The following ANXA6 variants were observed in gnomAD, a reference collection of about 807,000 sequenced individuals.
The protein encoded by ANXA6 is annexin A6, also known as 67 kDa calelectrin.
A neutral mutation model predicts 95.4 loss-of-function variants in ANXA6; 71 were observed. That is an observed-to-expected ratio of 0.74 (90% CI 0.61 to 0.91). ANXA6 has a LOEUF of 0.91. ANXA6 is among the 40% of genes least tolerant of loss of function. The pLI, the probability that ANXA6 is intolerant of heterozygous loss-of-function variation, is 0.00. For synonymous variants in ANXA6, 289 were observed against 315.9 expected (o/e 0.91, Z 0.90); for missense variants, 830 against 876.4 (o/e 0.95, Z 0.67).
chr5:151,143,581 A>G (rs1488985377), intron 2 of ANXA6, among the ~76,000 whole-genome samples: 1 of 152,112 alleles, frequency 6.6e-6, no homozygotes, highest in African/African-American at 2.4e-5. Flanking sequence ...AGAACTCAGA[A>G]TCTGGTAGAG....
At position 151,103,145 on chromosome 5, in the gene ANXA6, A is replaced by G. The variant is rs183498180; in HGVS notation, c.1962+425T>C. Among the ~76,000 whole-genome samples the G allele has an allele frequency of 4.8e-3, 733 of 152,076 alleles. 3 individuals are homozygous for G. The highest frequency in any genetic ancestry group is 7.7e-3 in the Non-Finnish European group (524 of 67,984). On this transcript the variant is annotated intron_variant, in intron 25 of 25. Coordinates refer to ENST00000354546, the MANE Select transcript of ANXA6 (RefSeq NM_001155.5). ...CTGAGTAGCTGGGATTACAGGCATG[A>G]GCCAACACACCCAGCTAATTTTTGT... is the stretch of plus-strand genomic sequence containing the variant.
At chr5:151,141,483 G>C (rs1033931849) in intron 2 of ANXA6, 4 of 983,114 alleles carry the variant, frequency 4.1e-6, no homozygotes, top group African/African-American at 3.5e-5. Flanking sequence ...CGGGAAATCA[G>C]GAAAGAATCC....
intron 24 of ANXA6, among the ~76,000 whole-genome samples, chr5:151,103,980 G>C (rs1196997299): frequency 6.6e-6 from 1 of 152,238 alleles, no homozygotes; most frequent in Admixed American, 6.5e-5. Flanking sequence ...CATGTAATTA[G>C]TTAAGATGAA....
At chr5:151,143,597 T>C (rs1015591394) in intron 2 of ANXA6, among the ~76,000 whole-genome samples, 3 of 151,990 alleles carry the variant, frequency 2.0e-5, no homozygotes, top group Non-Finnish European at 2.9e-5. Context: ...TAGAGATACA[T>C]GACAGCTTCA....
intron 24 of ANXA6, 40 bp downstream of exon 24, chr5:151,105,205 C>A: frequency 6.3e-7 from 1 of 1,579,956 alleles, no homozygotes; most frequent in South Asian, 1.1e-5. Context: ...GTATGTAAGT[C>A]AGTGCTTGAA....
Position 151,150,141 on chromosome 5 carries a change from T to C in ANXA6, c.-25-2215A>G, listed in dbSNP as rs1469882330. Among the ~76,000 whole-genome samples, 3 of 148,322 alleles carry C rather than the reference T, an allele frequency of 2.0e-5. No individual in the cohort carries two copies. In the South Asian group the frequency reaches 6.4e-4, roughly 32 times the overall value. On this transcript the variant is annotated intron_variant, in intron 1 of 25. Transcript: ENST00000354546. ...TCAAAAAAAAAAAAAAAAGTAAACATAACAAAGTCAATCAGATTTACCCAG... is the reference window on the plus strand; with the variant it reads ...TCAAAAAAAAAAAAAAAAGTAAACACAACAAAGTCAATCAGATTTACCCAG...
At chr5:151,149,312 A>G (rs1368006361) in intron 1 of ANXA6, among the ~76,000 whole-genome samples, 1 of 152,130 alleles carries the variant, frequency 6.6e-6, no homozygotes, top group Non-Finnish European at 1.5e-5. Context: ...AAGATATGAT[A>G]CGTAAAAATA....
chr5:151,150,474 G>A (rs182299375), intron 1 of ANXA6, among the ~76,000 whole-genome samples: 1 of 152,360 alleles, frequency 6.6e-6, no homozygotes, highest in East Asian at 1.9e-4. Flanking sequence ...GTGGGAAGTT[G>A]AGGACAGGGC....
chr5:151,117,154 G>A lies in ANXA6; in HGVS notation c.1545C>T (p.Asn515=). 6.3e-7 allele frequency: 1 copy of A among 1,594,626 alleles called. No homozygotes were observed. The highest frequency in any genetic ancestry group is 1.1e-5 in the South Asian group (1 of 88,886). The change falls in exon 20 of 26, where the codon AAC becomes AAT. Residue 515 remains asparagine (N), a synonymous_variant. Transcript: ENST00000354546. ...ATGHREEGGE[N]LDQAREDAQV... is the part of the protein sequence containing the mutation. Reference sequence around the variant, plus strand: ...GGGCATCTTCCCGTGCCTGGTCCAGGTTTTCTCCTCCCTCCTCACGATGCC... The same window carrying A: ...GGGCATCTTCCCGTGCCTGGTCCAGATTTTCTCCTCCCTCCTCACGATGCC...
intron 25 of ANXA6, among the ~76,000 whole-genome samples, chr5:151,102,708 A>G (rs1199169260): frequency 6.6e-6 from 1 of 152,078 alleles, no homozygotes; most frequent in East Asian, 1.9e-4. Context: ...CGTCTCAAAA[A>G]CAAACAAACA....
intron 2 of ANXA6, among the ~76,000 whole-genome samples, chr5:151,143,511 G>T (rs181232325): frequency 1.3e-5 from 2 of 152,184 alleles, no homozygotes; most frequent in East Asian, 1.9e-4. Context: ...ATTCAATCAA[G>T]CAAGCAAGCA....
rs368549931 is a variant in ANXA6 at position 151,124,261 on chromosome 5, C to A, written c.1138+25G>T. 8 of 1,610,100 alleles carry A rather than the reference C, an allele frequency of 5.0e-6. No homozygotes were observed. The African/African-American group carries it at 8.0e-5, about 16-fold the overall frequency. On this transcript the variant is annotated intron_variant, in intron 15 of 25. Coordinates refer to ENST00000354546, the MANE Select transcript of ANXA6 (RefSeq NM_001155.5). ...CACACCTGCTGCCCTGGAGACCAAC[C>A]CTGCTCCCTTCCCATCCCCCATACC...
At chr5:151,147,968 T>G in intron 1 of ANXA6, 42 bp from the exon 2 acceptor site, 15 of 1,543,732 alleles carry the variant, frequency 9.7e-6, no homozygotes, top group Non-Finnish European at 1.3e-5. Flanking sequence ...CCCCCAACTC[T>G]AACCATCCCC....
rs765335394 is a variant in ANXA6 at position 151,134,406 on chromosome 5, C to A, written c.546+21G>T. The A allele has an allele frequency of 3.1e-6, 5 of 1,613,642 alleles. 1 individual carries two copies. The South Asian group carries it at 4.4e-5, about 14-fold the overall frequency. On this transcript the variant is annotated intron_variant, in intron 8 of 25. Coordinates refer to ENST00000354546, the MANE Select transcript of ANXA6 (RefSeq NM_001155.5). Reference sequence around the variant, plus strand: ...AGGCTCTTCTGCTGTGCCTCAGGGACTTTCAGTGGTGCTTGTTTACCTGGA... The same window carrying A: ...AGGCTCTTCTGCTGTGCCTCAGGGAATTTCAGTGGTGCTTGTTTACCTGGA...
intron 22 of ANXA6, among the ~76,000 whole-genome samples, chr5:151,109,317 C>T (rs1342046947): frequency 6.6e-6 from 1 of 152,198 alleles, no homozygotes; most frequent in East Asian, 1.9e-4. Context: ...CCACTGCATA[C>T]AGGTGTGCCC....
intron 20 of ANXA6, among the ~76,000 whole-genome samples, chr5:151,116,366 C>A (rs112224011): frequency 0.013 from 2,000 of 152,298 alleles, 43 homozygotes; most frequent in African/African-American, 0.045. Flanking sequence ...CTGGGTCAGG[C>A]TACTGGGTGC....
intron 2 of ANXA6, among the ~76,000 whole-genome samples, chr5:151,140,801 G>C (rs1422697310): frequency 6.6e-6 from 1 of 152,156 alleles, no homozygotes; most frequent in African/African-American, 2.4e-5. Flanking sequence ...GCCATTTGTA[G>C]ACGCTCTTAA....
At chr5:151,109,964 C>A (rs556075755) in intron 21 of ANXA6, 118 bp from the exon 22 acceptor site, 5 of 745,968 alleles carry the variant, frequency 6.7e-6, no homozygotes, top group Non-Finnish European at 9.1e-6. Flanking sequence ...GCTCACCCAG[C>A]CATCCAAGGG....
chr5:151,103,009 G>A (rs1165489482), intron 25 of ANXA6, among the ~76,000 whole-genome samples: 1 of 152,112 alleles, frequency 6.6e-6, no homozygotes, highest in Non-Finnish European at 1.5e-5. Context: ...TTGTTTGTCT[G>A]TTTTTGAGAT....
Sources: gnomAD v4.1 joint callset for allele counts (sites outside exome capture counted in the v4.1 genomes callset) on GRCh38, gnomAD v4.1.1 for gene constraint, MANE v1.5 for transcripts, NCBI Gene and HGNC (gene_info 2026-07-23, HGNC 2026-07-21) for gene names.